TRIM54: variants seen among roughly 807,000 people sequenced by gnomAD.
The protein encoded by TRIM54 is tripartite motif-containing protein 54.
A neutral mutation model predicts 42.0 loss-of-function variants in TRIM54; 40 were observed. The observed-to-expected ratio is 0.95, with a 90% CI of 0.74 to 1.24. TRIM54 has a LOEUF of 1.24. Ranked by LOEUF, TRIM54 falls within the 50% of genes most tolerant of loss-of-function variation. TRIM54 has a pLI of 0.00. For missense variants in TRIM54, 485 were observed against 480.3 expected (o/e 1.01, Z -0.09); for synonymous variants, 199 against 194.9 (o/e 1.02, Z -0.17).
intron 4 of TRIM54, 94 bp from the exon 5 acceptor site, chr2:27,305,490 C>A: frequency 9.7e-7 from 1 of 1,028,394 alleles, no homozygotes; most frequent in Non-Finnish European, 1.4e-6. Flanking sequence ...ACGGATGGGT[C>A]ACTTTCTGTG....
In TRIM54 at chr2:27,307,338, C is replaced by T. The variant is rs1679255848; in HGVS notation, c.*453C>T. ...TGTTCCCCTCCCGCTGGCCCGGGGGCCCCACCTTCCCACGGGTTCCCACGC... is the reference window on the plus strand; with the variant it reads ...TGTTCCCCTCCCGCTGGCCCGGGGGTCCCACCTTCCCACGGGTTCCCACGC... On this transcript the variant is annotated 3_prime_UTR_variant, in exon 9 of 9. Transcript: ENST00000380075. This position sits in a 1 kb window ranked among gnomAD's most constrained non-coding sequence, Gnocchi z 6.9. 1.8e-6 allele frequency: 2 copies of T among 1,111,226 alleles called. No homozygotes were observed. The highest frequency in any genetic ancestry group is 5.6e-5 in the East Asian group (2 of 35,600). 68.8% of individuals were successfully genotyped at this position (1,111,226 alleles called of 1,614,324 possible). A position where few individuals can be genotyped will look rare whatever the true frequency, so the allele number is the denominator to read the frequency against.
At chr2:27,303,291 C>T (rs1239720907) in intron 3 of TRIM54, among the ~76,000 whole-genome samples, 1 of 152,160 alleles carries the variant, frequency 6.6e-6, no homozygotes, top group Non-Finnish European at 1.5e-5. Flanking sequence ...CGCAGTGGCT[C>T]ACGCCTGTAA....
chr2:27,298,829 G>A (rs369566147), intron 2 of TRIM54, 90 bp downstream of exon 2: 48 of 1,374,794 alleles, frequency 3.5e-5, no homozygotes, highest in African/African-American at 4.3e-5. Flanking sequence ...AGATTGAAAC[G>A]GTCAACCTGC....
chr2:27,283,782 GCGCACACACACACACA>G (rs1449624316), intron 1 of TRIM54, among the ~76,000 whole-genome samples: 1 of 86,340 alleles, frequency 1.2e-5, no homozygotes, highest in African/African-American at 4.9e-5. Flanking sequence ...ACACACACGC[GCGCACACACACACACA>G]CACACACACA....
At chr2:27,298,282 C>G (rs1321594072) in intron 1 of TRIM54, among the ~76,000 whole-genome samples, 4 of 152,172 alleles carry the variant, frequency 2.6e-5, no homozygotes, top group African/African-American at 9.7e-5. Flanking sequence ...CAAGCTGGAC[C>G]CCTTTGGAGA....
chr2:27,304,229 TAGATAG>T (rs1558590523), intron 3 of TRIM54, among the ~76,000 whole-genome samples: 6 of 87,130 alleles, frequency 6.9e-5, no homozygotes, highest in Admixed American at 3.2e-4. Context: ...TATATATAGA[TAGATAG>T]ATAGATAGAT....
chr2:27,305,057 G>A lies in TRIM54; in HGVS notation c.609+3G>A. On this transcript the variant is annotated splice_donor_region_variant and intron_variant, in intron 4 of 8. Coordinates refer to ENST00000380075, the MANE Select transcript of TRIM54 (RefSeq NM_187841.3). ...AGGAGGTGTGCCAGACTATCGAGGT[G>A]AGCCTGGGCTGGAGGGAGGGAGGAA... The A allele has an allele frequency of 6.2e-7, 1 of 1,613,204 alleles. No homozygotes were observed. Among genetic ancestry groups the A allele is most frequent in the Non-Finnish European group, 8.5e-7 (1 of 1,179,476 alleles).
chr2:27,297,228 T>C (rs1678890536), intron 1 of TRIM54, among the ~76,000 whole-genome samples: 1 of 152,244 alleles, frequency 6.6e-6, no homozygotes, highest in Admixed American at 6.5e-5. Context: ...TTCTGACCCC[T>C]TACACTTTCC....
intron 1 of TRIM54, among the ~76,000 whole-genome samples, chr2:27,286,789 A>C (rs973759725): frequency 6.6e-6 from 1 of 152,188 alleles, no homozygotes; most frequent in African/African-American, 2.4e-5. Context: ...GCAGTCTGAG[A>C]GAGATGACTT....
intron 1 of TRIM54, among the ~76,000 whole-genome samples, chr2:27,285,167 G>C (rs1678522017): frequency 6.6e-6 from 1 of 152,162 alleles, no homozygotes; most frequent in Admixed American, 6.5e-5. Flanking sequence ...GGGAGGGCCT[G>C]GTGGGAGGCT....
intron 1 of TRIM54, among the ~76,000 whole-genome samples, chr2:27,287,407 A>C (rs140669593): frequency 6.6e-6 from 1 of 152,064 alleles, no homozygotes; most frequent in South Asian, 2.1e-4. Context: ...GGGTCTCTCT[A>C]TGTTGCCCAG....
chr2:27,303,184 G>T (rs1369092477), intron 3 of TRIM54, among the ~76,000 whole-genome samples: 1 of 152,176 alleles, frequency 6.6e-6, no homozygotes, highest in African/African-American at 2.4e-5. Context: ...CAGAGGACCA[G>T]TGCTGGCAAT....
At chr2:27,283,770 A>ACGCGCGCGCGCG (rs1487361341) in intron 1 of TRIM54, among the ~76,000 whole-genome samples, 11 of 100,472 alleles carry the variant, frequency 1.1e-4, no homozygotes, top group Admixed American at 8.3e-4. Flanking sequence ...AAAGGCACAC[A>ACGCGCGCGCGCG]CACACACACG....
chr2:27,283,703 A>G (rs1420714757), intron 1 of TRIM54, among the ~76,000 whole-genome samples: 1 of 147,492 alleles, frequency 6.8e-6, no homozygotes, highest in Admixed American at 6.9e-5. Context: ...TTCCTGTGCT[A>G]CTGGGGAGGT....
chr2:27,294,634 G>A, intron 1 of TRIM54, among the ~76,000 whole-genome samples: 2 of 152,164 alleles, frequency 1.3e-5, no homozygotes, highest in South Asian at 2.1e-4. Flanking sequence ...GCTCACGCCT[G>A]TAATCCCAGC....
At chr2:27,290,498 T>C (rs1558583899) in intron 1 of TRIM54, among the ~76,000 whole-genome samples, 3 of 152,066 alleles carry the variant, frequency 2.0e-5, no homozygotes, top group Admixed American at 2.0e-4. Context: ...AAACCCCGTC[T>C]CTACTAAAAA....
At chr2:27,284,029 A>G (rs986081042) in intron 1 of TRIM54, among the ~76,000 whole-genome samples, 1 of 152,206 alleles carries the variant, frequency 6.6e-6, no homozygotes, top group Non-Finnish European at 1.5e-5. Context: ...GCTACTCAGG[A>G]GGCTGAGGCA....
At chr2:27,290,130 C>T (rs1440076090) in intron 1 of TRIM54, among the ~76,000 whole-genome samples, 1 of 151,798 alleles carries the variant, frequency 6.6e-6, no homozygotes, top group African/African-American at 2.4e-5. Context: ...CCTCGGCCTT[C>T]CAAAGTTCTA....
rs745612693 is a variant in TRIM54, at chr2:27,298,541, T to C, written c.169-26T>C. ...GTCCCTTCATGCCTCCCCGTGCCTG[T>C]TCTCTCAAGCCATCTGTCCCTGCAG... On this transcript the variant is annotated intron_variant, in intron 1 of 8. Transcript: ENST00000380075. 1.0e-5 allele frequency: 16 copies of C among 1,599,656 alleles called. No individual in the cohort carries two copies. The Admixed American group carries it at 2.7e-4, about 27-fold the overall frequency.
Sources: allele counts gnomAD v4.1 joint callset (sites outside exome capture counted in the v4.1 genomes callset), GRCh38; gene constraint gnomAD v4.1.1; non-coding constraint Gnocchi (gnomAD v3.1); transcripts MANE v1.5; gene names NCBI Gene and HGNC (gene_info 2026-07-23, HGNC 2026-07-21).